Variants in SNX10 observed in about 807,000 individuals in gnomAD.
SNX10 encodes sorting nexin-10.
A neutral mutation model predicts 28.5 loss-of-function variants in SNX10; 25 were observed. The observed-to-expected ratio is 0.88, with a 90% CI of 0.64 to 1.22. SNX10 has a LOEUF of 1.22. Among genes scored for constraint, SNX10 ranks in the 50% most tolerant of loss-of-function variants. The pLI is 0.00. For missense variants in SNX10, 223 were observed against 242.6 expected, an observed-to-expected ratio of 0.92 and a Z score of 0.54; for synonymous variants, 62 against 81.4, an observed-to-expected ratio of 0.76 and a Z score of 1.28.
intron 2 of SNX10, among the ~76,000 whole-genome samples, chr7:26,348,654 A>G (rs934943934): frequency 1.3e-5 from 2 of 152,160 alleles, no homozygotes; most frequent in Non-Finnish European, 2.9e-5. Context: ...CGTCAAATCC[A>G]TTGCCCTTAG....
intron 1 of SNX10, among the ~76,000 whole-genome samples, chr7:26,297,003 T>C (rs1786136384): frequency 6.6e-6 from 1 of 152,234 alleles, no homozygotes; most frequent in Admixed American, 6.5e-5. Flanking sequence ...CCCTGACTCA[T>C]ACCATTCACA....
At position 26,372,553 on chromosome 7, in the gene SNX10, C is replaced by A. The variant is rs374115762; in HGVS notation, c.587C>A (p.Thr196Lys). ...AGTTCACATGGATGTAAAGTAAATA[C>A]AGCTCCGCAGGAATCCTGAAAAATA... is the stretch of plus-strand genomic sequence containing the variant. Reference protein sequence around the residue: ...DSSSHGCKVNTAPQES With the variant: ...DSSSHGCKVNKAPQES The change falls in exon 7 of 7, where the codon ACA becomes AAA. Residue 196 changes from threonine (T) to lysine (K), a missense_variant. Thr to Lys is a moderately conservative substitution (Grantham distance 78). Coordinates refer to ENST00000338523, the MANE Select transcript of SNX10 (RefSeq NM_013322.3). 2 of 1,599,522 alleles carry A rather than the reference C, an allele frequency of 1.3e-6. No individual in the cohort carries two copies. The highest frequency in any genetic ancestry group is 2.7e-5 in the African/African-American group (2 of 74,680).
intron 1 of SNX10, among the ~76,000 whole-genome samples, chr7:26,316,199 A>G (rs539354825): frequency 6.0e-5 from 9 of 150,888 alleles, no homozygotes; most frequent in Admixed American, 2.6e-4. Context: ...AAAAAAAAAC[A>G]AAAAACCTAG....
In SNX10 at chr7:26,292,853, G is replaced by A. The variant is rs182493895; in HGVS notation, c.-24+767G>A. The stretch of plus-strand genomic sequence containing the variant: ...GGAGGCTAAGGCCGAGGGACGCTGA[G>A]TGTTGGGACCAGGATCATTCAGCCA... On this transcript the variant is annotated intron_variant, in intron 1 of 6. Coordinates refer to ENST00000338523, the MANE Select transcript of SNX10 (RefSeq NM_013322.3). Among the ~76,000 whole-genome samples the A allele has an allele frequency of 1.3e-4, 20 of 152,380 alleles. No individual in the cohort carries two copies. In the East Asian group the frequency reaches 3.7e-3, roughly 28 times the overall value.
chr7:26,356,536 T>C (rs1387520350), intron 2 of SNX10, among the ~76,000 whole-genome samples: 3 of 152,184 alleles, frequency 2.0e-5, no homozygotes, highest in Non-Finnish European at 4.4e-5. Context: ...TATTTGTAGC[T>C]GAGAGTATGG....
intron 1 of SNX10, among the ~76,000 whole-genome samples, chr7:26,341,890 G>C (rs914696400): frequency 6.6e-6 from 1 of 151,736 alleles, no homozygotes; most frequent in Admixed American, 6.6e-5. Context: ...GTTTTGTCAG[G>C]GAGCAATTTC....
chr7:26,319,386 T>C (rs1180553806), intron 1 of SNX10, among the ~76,000 whole-genome samples: 1 of 152,260 alleles, frequency 6.6e-6, no homozygotes, highest in East Asian at 1.9e-4. Flanking sequence ...TTAACTGCTT[T>C]GCCATTTTCA....
At chr7:26,326,411 G>A (rs1229564866) in intron 1 of SNX10, among the ~76,000 whole-genome samples, 1 of 152,040 alleles carries the variant, frequency 6.6e-6, no homozygotes, top group Non-Finnish European at 1.5e-5. Context: ...CTCCCCATCC[G>A]AGTCCAGTGA....
intron 2 of SNX10, 169 bp from the exon 3 acceptor site, chr7:26,360,805 GC>G: frequency 3.0e-6 from 3 of 984,942 alleles, no homozygotes; most frequent in Non-Finnish European, 3.6e-6. Flanking sequence ...TTCTAGATTT[GC>G]TCGTGGTGCC....
intron 1 of SNX10, among the ~76,000 whole-genome samples, chr7:26,324,962 C>T (rs567944643): frequency 3.3e-5 from 5 of 152,000 alleles, no homozygotes; most frequent in Admixed American, 6.6e-5. Context: ...TTAAATGTCT[C>T]CTGCCTTTTA....
chr7:26,359,890 T>C (rs963221538), intron 2 of SNX10, among the ~76,000 whole-genome samples: 3 of 152,170 alleles, frequency 2.0e-5, no homozygotes, highest in African/African-American at 7.2e-5. Flanking sequence ...TCTCTTGACC[T>C]TGTGATCTGC....
rs539026756 is a variant in SNX10 at position 26,295,601 on chromosome 7, G to A, written c.-24+3515G>A. ...TCAAACTCAGGTTCCTGAACTTCCAGTCTCATATTCTTTCCATTATAGCCT... is the reference window on the plus strand; with the variant it reads ...TCAAACTCAGGTTCCTGAACTTCCAATCTCATATTCTTTCCATTATAGCCT... On this transcript the variant is annotated intron_variant, in intron 1 of 6. Transcript: ENST00000338523. Among the ~76,000 whole-genome samples the A allele has an allele frequency of 1.7e-4, 26 of 152,320 alleles. No homozygotes were observed. In the South Asian group the frequency reaches 5.4e-3, roughly 32 times the overall value.
chr7:26,311,222 CT>C (rs1409451895), intron 1 of SNX10, among the ~76,000 whole-genome samples: 1 of 152,202 alleles, frequency 6.6e-6, no homozygotes, highest in Non-Finnish European at 1.5e-5. Context: ...AGGATCTCAG[CT>C]CAGTACAACC....
intron 1 of SNX10, among the ~76,000 whole-genome samples, chr7:26,319,343 C>T (rs1191998796): frequency 1.3e-5 from 2 of 152,202 alleles, no homozygotes; most frequent in East Asian, 1.9e-4. Flanking sequence ...ACTTCTTCCT[C>T]ATTCTTGCCA....
At chr7:26,352,102 C>A (rs1788630948) in intron 2 of SNX10, among the ~76,000 whole-genome samples, 1 of 147,058 alleles carries the variant, frequency 6.8e-6, no homozygotes, top group Non-Finnish European at 1.5e-5. Context: ...GTACTATCTT[C>A]ATAATTTCTC....
chr7:26,353,730 G>A (rs535995625), intron 2 of SNX10, among the ~76,000 whole-genome samples: 23 of 152,216 alleles, frequency 1.5e-4, no homozygotes, highest in African/African-American at 5.1e-4. Flanking sequence ...GGGATTATAG[G>A]CTTGAGCCAC....
chr7:26,310,312 T>A (rs1183557466), intron 1 of SNX10, among the ~76,000 whole-genome samples: 1 of 152,214 alleles, frequency 6.6e-6, no homozygotes, highest in Non-Finnish European at 1.5e-5. Flanking sequence ...ACTGCATATT[T>A]TCTGGGCACT....
intron 1 of SNX10, among the ~76,000 whole-genome samples, chr7:26,338,886 C>T (rs1788059782): frequency 6.6e-6 from 1 of 152,168 alleles, no homozygotes. Flanking sequence ...ATCAGCTGAT[C>T]CTTCCAGTGC....
intron 1 of SNX10, among the ~76,000 whole-genome samples, chr7:26,332,945 G>A (rs1787798163): frequency 6.6e-6 from 1 of 152,088 alleles, no homozygotes; most frequent in South Asian, 2.1e-4. Context: ...GTTTGTACTT[G>A]TGCCAATACC....
Sources: gnomAD v4.1 joint callset for allele counts (sites outside exome capture counted in the v4.1 genomes callset) on GRCh38, gnomAD v4.1.1 for gene constraint, MANE v1.5 for transcripts, NCBI Gene and HGNC (gene_info 2026-07-23, HGNC 2026-07-21) for gene names.